The following CARMIL1 variants were observed in gnomAD, a reference collection of about 807,000 sequenced individuals.
CARMIL1 encodes the protein F-actin-uncapping protein LRRC16A.
CARMIL1 carries 90 observed loss-of-function variants against 177.1 expected under a neutral mutation model. The observed-to-expected ratio is 0.51, with a 90% CI of 0.43 to 0.61. The LOEUF (loss-of-function observed/expected upper bound fraction) is 0.61, where lower values mean the gene tolerates loss of function less well. Ranked by LOEUF, CARMIL1 falls within the 20% of genes least tolerant of loss-of-function variation. CARMIL1 has a pLI of 0.00. For missense variants in CARMIL1, 1,380 were observed against 1,667.0 expected (o/e 0.83, Z 3.00); for synonymous variants, 577 against 606.2 (o/e 0.95, Z 0.71).
chr6:25,284,808 T>TC lies in CARMIL1; in HGVS notation c.41-3dup, dbSNP rs1561933780. ...TTAATAACATAATTCCTTTTTTTTTTCAGAAAGCATAAAGGATGTTATTGG... is the reference window on the plus strand; with the variant it reads ...TTAATAACATAATTCCTTTTTTTTTTCCAGAAAGCATAAAGGATGTTATTGG... On this transcript the variant is annotated splice_polypyrimidine_tract_variant and splice_region_variant and intron_variant, in intron 1 of 36. Transcript: ENST00000329474. 4 of 1,473,842 alleles carry TC rather than the reference T, an allele frequency of 2.7e-6. No individual in the cohort carries two copies. The highest frequency in any genetic ancestry group is 4.8e-5 in the East Asian group (2 of 41,264). 91.3% of individuals were successfully genotyped at this position (1,473,842 alleles called of 1,614,324 possible).
intron 20 of CARMIL1, among the ~76,000 whole-genome samples, chr6:25,512,951 C>G (rs1805602712): frequency 6.6e-6 from 1 of 152,098 alleles, no homozygotes; most frequent in African/African-American, 2.4e-5. Context: ...AGTAAGATTT[C>G]AAATAGTAAT....
intron 4 of CARMIL1, among the ~76,000 whole-genome samples, chr6:25,434,885 C>G (rs1797099001): frequency 1.3e-5 from 2 of 152,098 alleles, no homozygotes; most frequent in South Asian, 4.1e-4. Context: ...CTTTTGCTCC[C>G]AAGCAAAAGG....
chr6:25,312,797 T>A (rs915592024), intron 2 of CARMIL1, among the ~76,000 whole-genome samples: 1 of 151,512 alleles, frequency 6.6e-6, no homozygotes, highest in Non-Finnish European at 1.5e-5. Context: ...TTTGAAGTCT[T>A]GCCACGTTGT....
chr6:25,319,237 C>T (rs1420344311), intron 2 of CARMIL1, among the ~76,000 whole-genome samples: 4 of 152,032 alleles, frequency 2.6e-5, no homozygotes, highest in Admixed American at 6.6e-5. Flanking sequence ...CTCTGCAGGC[C>T]GTACTGGGCA....
intron 2 of CARMIL1, among the ~76,000 whole-genome samples, chr6:25,403,721 C>T (rs1357168302): frequency 6.6e-6 from 1 of 152,122 alleles, no homozygotes; most frequent in Non-Finnish European, 1.5e-5. Flanking sequence ...AATTACGTCA[C>T]ACCAAGCTAT....
chr6:25,340,381 G>A (rs1312484138), intron 2 of CARMIL1, among the ~76,000 whole-genome samples: 3 of 152,188 alleles, frequency 2.0e-5, no homozygotes, highest in Non-Finnish European at 4.4e-5. Flanking sequence ...AACGTTTTGA[G>A]TGTAGAATAT....
At chr6:25,459,924 A>G (rs867501619) in intron 8 of CARMIL1, among the ~76,000 whole-genome samples, 1 of 152,242 alleles carries the variant, frequency 6.6e-6, no homozygotes, top group Non-Finnish European at 1.5e-5. Context: ...TTACATCATA[A>G]TTAGGAGTTT....
chr6:25,483,073 T>C (rs141445700), intron 12 of CARMIL1, among the ~76,000 whole-genome samples: 33 of 152,330 alleles, frequency 2.2e-4, no homozygotes, highest in Non-Finnish European at 3.5e-4. Flanking sequence ...ACAGAATCAA[T>C]GAGTGTTCCC....
At chr6:25,362,904 A>G (rs57899991) in intron 2 of CARMIL1, among the ~76,000 whole-genome samples, 18,092 of 152,120 alleles carry the variant, frequency 0.12, 1,238 homozygotes, top group African/African-American at 0.2. Flanking sequence ...GCATGATGGC[A>G]CATGCCTGTA....
chr6:25,333,447 T>C (rs1388595122), intron 2 of CARMIL1, among the ~76,000 whole-genome samples: 2 of 152,112 alleles, frequency 1.3e-5, no homozygotes, highest in Non-Finnish European at 2.9e-5. Context: ...GCAGCTGTAG[T>C]CCCTGCTACT....
intron 29 of CARMIL1, among the ~76,000 whole-genome samples, chr6:25,574,477 G>A (rs1480753701): frequency 2.0e-5 from 3 of 152,186 alleles, no homozygotes; most frequent in Non-Finnish European, 4.4e-5. Context: ...GTGCTTGGTA[G>A]CATTTGTTGA....
intron 2 of CARMIL1, among the ~76,000 whole-genome samples, chr6:25,320,490 G>A (rs191723770): frequency 6.6e-4 from 101 of 152,366 alleles, no homozygotes; most frequent in Admixed American, 3.6e-3. Flanking sequence ...AGGCTATTGA[G>A]TGCTTATCAT....
At chr6:25,510,840 CTGAAATA>C in intron 20 of CARMIL1, 78 bp downstream of exon 20, 1 of 812,620 alleles carries the variant, frequency 1.2e-6, no homozygotes, top group Admixed American at 2.8e-5. Flanking sequence ...TGGATTAATG[CTGAAATA>C]CTTTCAGATA....
chr6:25,288,023 C>T lies in CARMIL1; in HGVS notation c.138+3114C>T, dbSNP rs186685269. On this transcript the variant is annotated intron_variant, in intron 2 of 36. Transcript: ENST00000329474. Reference sequence around the variant, plus strand: ...CTAGTTGGGGAGGTAAACATGTAGCCAGGCAGTGGTTTCAGATGTGCTATG... The same window carrying T: ...CTAGTTGGGGAGGTAAACATGTAGCTAGGCAGTGGTTTCAGATGTGCTATG... Among the ~76,000 whole-genome samples the T allele has an allele frequency of 2.0e-3, 304 of 152,256 alleles. 3 individuals are homozygous for T. Among genetic ancestry groups the T allele is most frequent in the African/African-American group, 3.8e-3 (159 of 41,534 alleles).
intron 5 of CARMIL1, among the ~76,000 whole-genome samples, chr6:25,438,412 C>T (rs985924446): frequency 2.0e-5 from 3 of 152,150 alleles, no homozygotes; most frequent in Non-Finnish European, 4.4e-5. Context: ...ATACATAAAT[C>T]AAGTAACAGT....
At chr6:25,593,850 C>T (rs1018300700) in intron 31 of CARMIL1, among the ~76,000 whole-genome samples, 2 of 152,164 alleles carry the variant, frequency 1.3e-5, no homozygotes, top group African/African-American at 2.4e-5. Context: ...TATCCCACTC[C>T]CATGCCTGTT....
chr6:25,366,321 T>C (rs1422318798), intron 2 of CARMIL1, among the ~76,000 whole-genome samples: 1 of 152,080 alleles, frequency 6.6e-6, no homozygotes, highest in Non-Finnish European at 1.5e-5. Context: ...AACTAGCTAT[T>C]CCCTCTGCCT....
chr6:25,340,449 T>G (rs1446941277), intron 2 of CARMIL1, among the ~76,000 whole-genome samples: 1 of 152,222 alleles, frequency 6.6e-6, no homozygotes, highest in African/African-American at 2.4e-5. Flanking sequence ...AACAATCTGA[T>G]TAGAATGTAT....
chr6:25,507,365 C>T (rs1289680817), intron 17 of CARMIL1: 1 of 152,024 alleles, frequency 6.6e-6, no homozygotes, highest in African/African-American at 2.4e-5. Flanking sequence ...AGTATTTTTT[C>T]TGACTCTTTG....
Sources: allele counts gnomAD v4.1 joint callset (sites outside exome capture counted in the v4.1 genomes callset), GRCh38; gene constraint gnomAD v4.1.1; transcripts MANE v1.5; gene names NCBI Gene and HGNC (gene_info 2026-07-23, HGNC 2026-07-21).